The following TBC1D2B variants were observed in gnomAD, a reference collection of about 807,000 sequenced individuals.
TBC1D2B encodes the protein TBC1 domain family, member 2B.
A neutral mutation model predicts 100.8 loss-of-function variants in TBC1D2B; 64 were observed. The observed-to-expected ratio is 0.64, with a 90% CI of 0.52 to 0.78. The LOEUF (loss-of-function observed/expected upper bound fraction) is 0.78. Among genes scored for constraint, TBC1D2B ranks in the 30% least tolerant of loss-of-function variants. The pLI is 0.00. For missense variants in TBC1D2B, 1,052 were observed against 1,218.4 expected, an observed-to-expected ratio of 0.86 and a Z score of 2.03; for synonymous variants, 480 against 479.7, an observed-to-expected ratio of 1.00 and a Z score of -0.01.
intron 8 of TBC1D2B, among the ~76,000 whole-genome samples, chr15:78,015,207 AC>A (rs1404492032): frequency 6.6e-6 from 1 of 152,202 alleles, no homozygotes; most frequent in Non-Finnish European, 1.5e-5. Context: ...TCTCAAAAAA[AC>A]AAAATAAAAC....
intron 11 of TBC1D2B, 163 bp from the exon 12 acceptor site, chr15:78,001,903 C>G: frequency 1.4e-6 from 1 of 710,618 alleles, no homozygotes; most frequent in Non-Finnish European, 2.2e-6. Flanking sequence ...TTTTCACTGG[C>G]TAGGCCAAGA....
chr15:78,011,967 G>T lies in TBC1D2B; in HGVS notation c.2270+856C>A, dbSNP rs556957082. ...CAGCCAATTTTTTTGTAGGGACGGG[G>T]TTTCACCATGTTGCCCAGGCTGGTT... On this transcript the variant is annotated intron_variant, in intron 9 of 12. Coordinates refer to ENST00000300584, the MANE Select transcript of TBC1D2B (RefSeq NM_144572.2). Among the ~76,000 whole-genome samples the T allele has an allele frequency of 2.6e-5, 4 of 151,468 alleles. No homozygotes were observed. In the South Asian group the frequency reaches 8.4e-4, roughly 32 times the overall value.
chr15:78,070,648 C>T (rs144792310), intron 1 of TBC1D2B, among the ~76,000 whole-genome samples: 145 of 152,312 alleles, frequency 9.5e-4, no homozygotes, highest in Middle Eastern at 3.4e-3. Context: ...GCAGTTTTAA[C>T]ATTTTTATTT....
chr15:78,019,373 C>A (rs1166217314), intron 6 of TBC1D2B, among the ~76,000 whole-genome samples: 2 of 152,162 alleles, frequency 1.3e-5, no homozygotes, highest in Admixed American at 1.3e-4. Flanking sequence ...CAGTTACTGT[C>A]TAGCCTGCAA....
intron 3 of TBC1D2B, among the ~76,000 whole-genome samples, chr15:78,043,842 G>C (rs2073138539): frequency 2.6e-5 from 4 of 152,046 alleles, no homozygotes. Context: ...GTGCAAGATA[G>C]AGGGAACCCT....
intron 1 of TBC1D2B, among the ~76,000 whole-genome samples, chr15:78,058,046 A>G (rs2073462686): frequency 6.6e-6 from 1 of 152,362 alleles, no homozygotes; most frequent in Admixed American, 6.5e-5. Context: ...AGACGTGACT[A>G]CTGAGCACAT....
intron 1 of TBC1D2B, among the ~76,000 whole-genome samples, chr15:78,072,586 G>T (rs555878776): frequency 6.6e-6 from 1 of 152,228 alleles, no homozygotes; most frequent in South Asian, 2.1e-4. Flanking sequence ...AAGTGGTTAA[G>T]AATAGGGGTA....
intron 9 of TBC1D2B, among the ~76,000 whole-genome samples, chr15:78,009,351 A>G (rs960053760): frequency 6.6e-6 from 1 of 152,196 alleles, no homozygotes; most frequent in African/African-American, 2.4e-5. Flanking sequence ...CCTGGGCAAC[A>G]TAGCAAGACT....
At position 78,077,348 on chromosome 15, in the gene TBC1D2B, G is replaced by A; in HGVS notation, c.305C>T (p.Thr102Met). Residue 102 changes from threonine to methionine, a missense_variant, in exon 1 of 13, where the codon ACG becomes ATG. This residue lies in a region of TBC1D2B where 627 missense variants were observed against 646.1 expected (regional missense o/e 0.97). Transcript: ENST00000300584. The stretch of plus-strand genomic sequence containing the variant: ...CACCTGGAAGTGCGCGGGCGGCTCC[G>A]TGCCCGGCTCCGCCGCCTCGTCGGG... ...QGPDEAAEPG[T>M]EPPAHFQVHS... 1.3e-6 allele frequency: 2 copies of A among 1,538,386 alleles called. No individual in the cohort carries two copies.
At position 77,995,778 on chromosome 15, in the gene TBC1D2B, C is replaced by G. The variant is rs1180533345; in HGVS notation, c.*2382G>C. 6.6e-6 allele frequency: 1 copy of G among 152,276 alleles called. No homozygotes were observed. Among genetic ancestry groups the G allele is most frequent in the Non-Finnish European group, 1.5e-5 (1 of 68,002 alleles). 9.4% of individuals were successfully genotyped at this position (152,276 alleles called of 1,614,324 possible). On this transcript the variant is annotated 3_prime_UTR_variant, in exon 13 of 13. Transcript: ENST00000300584. ...TGGGTTTCCCAGCTGGCAGGGTCCC[C>G]CTTGCAGGGGCCACGGGCTGGGTGT...
rs560514246 is a variant in TBC1D2B at position 78,025,388 on chromosome 15, G to C, written c.957C>G (p.Asp319Glu). The change falls in exon 5 of 13, where the codon GAC becomes GAG. Residue 319 changes from aspartate (D) to glutamate (E), a missense_variant. Transcript: ENST00000300584. ...GSYKNRHSSGDPSSEGTSGSG... is the reference protein window; with the variant it reads ...GSYKNRHSSGEPSSEGTSGSG... ...TGCCTGATGTGCCTTCACTTGAAGG[G>C]TCACCACTGCTGTGACGATTTTTGT... 3.7e-6 allele frequency: 6 copies of C among 1,613,972 alleles called. No individual in the cohort carries two copies. In the South Asian group the frequency reaches 5.5e-5, roughly 15 times the overall value.
chr15:78,047,829 T>C (rs1162363353), intron 2 of TBC1D2B, among the ~76,000 whole-genome samples: 2 of 152,092 alleles, frequency 1.3e-5, no homozygotes, highest in African/African-American at 4.8e-5. Context: ...GGGTGCTCAA[T>C]GTTGGTGACA....
intron 8 of TBC1D2B, among the ~76,000 whole-genome samples, chr15:78,014,477 T>TA (rs1184987496): frequency 6.6e-6 from 1 of 152,202 alleles, no homozygotes; most frequent in East Asian, 1.9e-4. Context: ...CACATGGGAA[T>TA]ATGGACCATG....
In TBC1D2B at chr15:77,999,358, C is replaced by T. The variant is rs1290684197; in HGVS notation, c.2697-1003G>A. The T allele has an allele frequency of 8.9e-6, 4 of 448,970 alleles. No individual in the cohort carries two copies. The East Asian group carries it at 2.1e-4, about 24-fold the overall frequency. The allele number at this position is 448,970 out of a possible 1,614,324, so 27.8% of individuals were successfully genotyped here. A position where few individuals can be genotyped will look rare whatever the true frequency, so the allele number is the denominator to read the frequency against. On this transcript the variant is annotated intron_variant, in intron 12 of 12. Transcript: ENST00000300584. ...TTAACACAAGGCACACACGAGGGTG[C>T]AACCTTTTATGTTTCAAAACACCCA...
intron 6 of TBC1D2B, among the ~76,000 whole-genome samples, chr15:78,023,839 A>G (rs2072580171): frequency 6.6e-6 from 1 of 152,244 alleles, no homozygotes; most frequent in Admixed American, 6.5e-5. Context: ...GAGAGGCAAG[A>G]AACAGCCTCC....
intron 10 of TBC1D2B, among the ~76,000 whole-genome samples, chr15:78,007,952 T>C (rs981258552): frequency 1.3e-5 from 2 of 152,194 alleles, no homozygotes; most frequent in Admixed American, 1.3e-4. Context: ...GGCCAGGCCT[T>C]GCAACACCAA....
chr15:78,047,909 T>G (rs1698385816), intron 2 of TBC1D2B, among the ~76,000 whole-genome samples: 1 of 152,206 alleles, frequency 6.6e-6, no homozygotes, highest in Non-Finnish European at 1.5e-5. Context: ...AGGCTGGTCT[T>G]ACAATCATCA....
chr15:78,001,401 G>A (rs1270086658), intron 12 of TBC1D2B, among the ~76,000 whole-genome samples: 1 of 152,216 alleles, frequency 6.6e-6, no homozygotes, highest in Non-Finnish European at 1.5e-5. Context: ...ATTTATGTTT[G>A]TAGGATAAAG....
chr15:78,009,857 C>CAG (rs1387104939), intron 9 of TBC1D2B, among the ~76,000 whole-genome samples: 2 of 151,840 alleles, frequency 1.3e-5, no homozygotes, highest in Non-Finnish European at 2.9e-5. Flanking sequence ...CGCCTGTAGT[C>CAG]CAAGCTACCT....
Sources: allele counts gnomAD v4.1 joint callset (sites outside exome capture counted in the v4.1 genomes callset), GRCh38; gene constraint gnomAD v4.1.1; regional missense constraint gnomAD v4.1.1; transcripts MANE v1.5; gene names NCBI Gene and HGNC (gene_info 2026-07-23, HGNC 2026-07-21).